The following ELP4 variants were observed in gnomAD, a reference collection of about 807,000 sequenced individuals.
ELP4 encodes elongator acetyltransferase complex subunit 4.
Under a neutral mutation model 48.9 loss-of-function variants are expected in ELP4, and 51 were observed. That is an observed-to-expected ratio of 1.04 (90% CI 0.83 to 1.32). The LOEUF is 1.32. ELP4 is among the 40% of genes most tolerant of loss of function. The pLI, the probability that ELP4 is intolerant of heterozygous loss-of-function variation, is 0.00. For synonymous variants in ELP4, 210 were observed against 189.2 expected (o/e 1.11, Z -0.90); for missense variants, 519 against 514.6 (o/e 1.01, Z -0.08).
chr11:31,672,765 G>A (rs1945835111), intron 9 of ELP4, among the ~76,000 whole-genome samples: 1 of 151,402 alleles, frequency 6.6e-6, no homozygotes, highest in South Asian at 2.1e-4. Flanking sequence ...CTCCAGCCTG[G>A]GTGACAGAGT....
intron 3 of ELP4, among the ~76,000 whole-genome samples, chr11:31,577,808 G>T (rs543330236): frequency 2.6e-5 from 4 of 152,020 alleles, no homozygotes; most frequent in African/African-American, 7.3e-5. Flanking sequence ...AATAATAAGC[G>T]CTATTTATGA....
intron 9 of ELP4, among the ~76,000 whole-genome samples, chr11:31,699,609 G>A (rs895024751): frequency 6.6e-6 from 1 of 152,144 alleles, no homozygotes; most frequent in Non-Finnish European, 1.5e-5. Context: ...GGCCTGGCTT[G>A]TGGGTTTGAT....
At chr11:31,559,520 A>G (rs1565053025) in intron 3 of ELP4, among the ~76,000 whole-genome samples, 7 of 152,244 alleles carry the variant, frequency 4.6e-5, no homozygotes. Flanking sequence ...AAAACAAAGT[A>G]TAACATATAG....
At chr11:31,568,623 C>A (rs1476366605) in intron 3 of ELP4, among the ~76,000 whole-genome samples, 1 of 152,102 alleles carries the variant, frequency 6.6e-6, no homozygotes, top group Non-Finnish European at 1.5e-5. Context: ...GAAATAAAGC[C>A]ATACACTGAC....
intron 9 of ELP4, among the ~76,000 whole-genome samples, chr11:31,702,161 C>G (rs1946537749): frequency 6.6e-6 from 1 of 151,978 alleles, no homozygotes. Flanking sequence ...TAGACTTGAG[C>G]CAGGCATGGT....
intron 5 of ELP4, among the ~76,000 whole-genome samples, chr11:31,625,380 A>G (rs763943493): frequency 1.3e-5 from 2 of 151,844 alleles, no homozygotes; most frequent in Non-Finnish European, 2.9e-5. Context: ...ACCGTTATTC[A>G]CAATAATCAA....
rs971135240 is a variant in ELP4 at position 31,601,187 on chromosome 11, G to A, written c.514-2581G>A. Among the ~76,000 whole-genome samples, 3 of 152,004 alleles carry A rather than the reference G, an allele frequency of 2.0e-5. No individual in the cohort carries two copies. In the South Asian group the frequency reaches 6.2e-4, roughly 32 times the overall value. ...TTACAGCATGTAGTTATCTTTTTTA[G>A]AGGAAATGTCTAAGTCTTTGTTTTA... On this transcript the variant is annotated intron_variant, in intron 4 of 9. Coordinates refer to ENST00000640961, the MANE Select transcript of ELP4 (RefSeq NM_019040.5).
chr11:31,561,829 T>G (rs983087046), intron 3 of ELP4, among the ~76,000 whole-genome samples: 2 of 152,200 alleles, frequency 1.3e-5, no homozygotes, highest in Non-Finnish European at 2.9e-5. Context: ...TAGTTCAATA[T>G]ATGTAAGAAA....
intron 5 of ELP4, among the ~76,000 whole-genome samples, chr11:31,616,252 A>G (rs1944480834): frequency 1.3e-5 from 2 of 152,090 alleles, no homozygotes; most frequent in Non-Finnish European, 2.9e-5. Context: ...ACACAAACCA[A>G]TAGAATAGAT....
chr11:31,621,647 C>T (rs796109366), intron 5 of ELP4, among the ~76,000 whole-genome samples: 61 of 152,004 alleles, frequency 4.0e-4, no homozygotes, highest in African/African-American at 1.4e-3. Flanking sequence ...GCATACACTT[C>T]ACAGTATTGA....
chr11:31,641,703 T>G (rs1445225930), intron 7 of ELP4, among the ~76,000 whole-genome samples: 1 of 151,878 alleles, frequency 6.6e-6, no homozygotes, highest in African/African-American at 2.4e-5. Context: ...TTCCCATCAT[T>G]TTCCCACCTG....
intron 9 of ELP4, among the ~76,000 whole-genome samples, chr11:31,744,034 A>T (rs1391070371): frequency 6.6e-6 from 1 of 152,158 alleles, no homozygotes; most frequent in African/African-American, 2.4e-5. Flanking sequence ...AATCAAATAG[A>T]CGCAATAAAA....
At chr11:31,566,819 T>C (rs1436932232) in intron 3 of ELP4, among the ~76,000 whole-genome samples, 1 of 152,202 alleles carries the variant, frequency 6.6e-6, no homozygotes, top group African/African-American at 2.4e-5. Context: ...AGAGGTTTCT[T>C]AGACTTACTT....
chr11:31,743,953 G>A (rs968385035), intron 9 of ELP4, among the ~76,000 whole-genome samples: 3 of 152,146 alleles, frequency 2.0e-5, no homozygotes, highest in Non-Finnish European at 4.4e-5. Context: ...GAGTCCAGGA[G>A]CTGGTTTTTT....
chr11:31,531,408 G>C (rs928415609), intron 2 of ELP4, among the ~76,000 whole-genome samples: 1 of 152,154 alleles, frequency 6.6e-6, no homozygotes, highest in Admixed American at 6.5e-5. Context: ...AGGAATTTCA[G>C]GAATGTTTAT....
chr11:31,573,814 C>A lies in ELP4; in HGVS notation c.382-20956C>A, dbSNP rs1248338330. On this transcript the variant is annotated intron_variant, in intron 3 of 9. Transcript: ENST00000640961. The stretch of plus-strand genomic sequence containing the variant: ...TTCAAACACCCCTTTCTCCAACTAC[C>A]ATCTCATTAGGGGATAGGACTTCAA... 9.5e-5 allele frequency among the ~76,000 whole-genome samples: 14 copies of A among 148,078 alleles called. No homozygotes were observed. In the Admixed American group the frequency reaches 9.7e-4, roughly 10 times the overall value.
chr11:31,718,287 T>C (rs1256860878), intron 9 of ELP4, among the ~76,000 whole-genome samples: 1 of 152,232 alleles, frequency 6.6e-6, no homozygotes, highest in Non-Finnish European at 1.5e-5. Flanking sequence ...TTGCAAGATA[T>C]TTTCTATATG....
intron 3 of ELP4, among the ~76,000 whole-genome samples, chr11:31,546,217 A>G (rs1006230455): frequency 1.3e-5 from 2 of 152,104 alleles, no homozygotes; most frequent in African/African-American, 2.4e-5. Context: ...AAGACCCATC[A>G]GTGTGCTGTA....
At chr11:31,683,027 AT>A (rs1193958474) in intron 9 of ELP4, among the ~76,000 whole-genome samples, 1 of 152,156 alleles carries the variant, frequency 6.6e-6, no homozygotes, top group Non-Finnish European at 1.5e-5. Context: ...CTAGCCAAAT[AT>A]TTTATGTATA....
Sources: allele counts gnomAD v4.1 joint callset (sites outside exome capture counted in the v4.1 genomes callset), GRCh38; gene constraint gnomAD v4.1.1; transcripts MANE v1.5; gene names NCBI Gene and HGNC (gene_info 2026-07-23, HGNC 2026-07-21).